PTPRT: variants seen among roughly 807,000 people sequenced by gnomAD.
The protein encoded by PTPRT is protein tyrosine phosphatase receptor type T, also known as receptor-type tyrosine-protein phosphatase T.
PTPRT carries 56 observed loss-of-function variants against 176.8 expected under a neutral mutation model. The observed-to-expected ratio is 0.32, with a 90% CI of 0.26 to 0.40. The LOEUF (loss-of-function observed/expected upper bound fraction) is 0.40, where lower values mean the gene tolerates loss of function less well. Ranked by LOEUF, PTPRT falls within the 10% of genes least tolerant of loss-of-function variation. The pLI, the probability that PTPRT is intolerant of heterozygous loss-of-function variation, is 1.00. For synonymous variants in PTPRT, 783 were observed against 739.0 expected (o/e 1.06, Z -0.96); for missense variants, 1,540 against 1,908.2 (o/e 0.81, Z 3.60).
intron 6 of PTPRT, among the ~76,000 whole-genome samples, chr20:42,728,914 A>T (rs1320364830): frequency 1.3e-5 from 2 of 152,202 alleles, no homozygotes; most frequent in African/African-American, 4.8e-5. Context: ...ATGTTTAATG[A>T]ATGAATATGT....
chr20:42,503,977 G>A (rs577319880), intron 7 of PTPRT, among the ~76,000 whole-genome samples: 1 of 151,994 alleles, frequency 6.6e-6, no homozygotes, highest in African/African-American at 2.4e-5. Flanking sequence ...CTAAACAATA[G>A]CTCCCTTGCT....
intron 5 of PTPRT, among the ~76,000 whole-genome samples, chr20:42,758,480 G>T (rs1335248882): frequency 6.6e-6 from 1 of 152,192 alleles, no homozygotes; most frequent in African/African-American, 2.4e-5. Context: ...AGCTAAGAGA[G>T]ACTTGCTCCA....
intron 6 of PTPRT, among the ~76,000 whole-genome samples, chr20:42,724,082 A>G (rs1369164097): frequency 6.6e-6 from 1 of 152,254 alleles, no homozygotes; most frequent in Non-Finnish European, 1.5e-5. Context: ...TTGTTCATTC[A>G]GCAAATATTC....
chr20:42,937,978 CATA>C (rs946508721), intron 1 of PTPRT, among the ~76,000 whole-genome samples: 6 of 152,144 alleles, frequency 3.9e-5, no homozygotes, highest in African/African-American at 1.4e-4. Flanking sequence ...ATCTTCAAAA[CATA>C]ATAAAATCAT....
intron 7 of PTPRT, among the ~76,000 whole-genome samples, chr20:42,625,624 A>G (rs374104294): frequency 6.6e-6 from 1 of 152,056 alleles, no homozygotes; most frequent in Non-Finnish European, 1.5e-5. Context: ...CAGGGCACAG[A>G]GAAGTAAAGA....
intron 13 of PTPRT, among the ~76,000 whole-genome samples, chr20:42,255,615 G>C (rs1244361059): frequency 6.6e-6 from 1 of 152,164 alleles, no homozygotes; most frequent in Non-Finnish European, 1.5e-5. Context: ...CTTAATGGCA[G>C]CAATAACATA....
At chr20:42,973,447 C>G (rs536135067) in intron 1 of PTPRT, among the ~76,000 whole-genome samples, 88 of 151,352 alleles carry the variant, frequency 5.8e-4, no homozygotes, top group South Asian at 2.5e-3. Flanking sequence ...CTCTCTCTCT[C>G]TGTGTGTGTT....
intron 6 of PTPRT, among the ~76,000 whole-genome samples, chr20:42,693,149 C>T (rs1322079140): frequency 6.6e-6 from 1 of 152,156 alleles, no homozygotes; most frequent in Non-Finnish European, 1.5e-5. Flanking sequence ...CCTATATGTG[C>T]ATTTGTGTAT....
intron 1 of PTPRT, among the ~76,000 whole-genome samples, chr20:43,142,207 C>T (rs1188829874): frequency 6.6e-6 from 1 of 152,148 alleles, no homozygotes; most frequent in East Asian, 1.9e-4. Flanking sequence ...TGAATCATGC[C>T]CAACGTTCTA....
chr20:43,102,564 C>T (rs2012439175), intron 1 of PTPRT, among the ~76,000 whole-genome samples: 3 of 152,186 alleles, frequency 2.0e-5, no homozygotes. Flanking sequence ...AAGCCTAGCG[C>T]CTGCAGAAAG....
rs2015476785 is a variant in PTPRT at position 43,189,294 on chromosome 20, G to C, written c.88+352C>G. Among the ~76,000 whole-genome samples, 1 of 152,034 alleles carries C rather than the reference G, an allele frequency of 6.6e-6. No homozygotes were observed. The highest frequency in any genetic ancestry group is 1.5e-5 in the Non-Finnish European group (1 of 67,992). ...ACCCCGGGCGTCGGTGCCGCTCCTC[G>C]TCTCGCCGCCCCAAACACTCAAGTG... On this transcript the variant is annotated intron_variant, in intron 1 of 30. Coordinates refer to ENST00000373187, the MANE Select transcript of PTPRT (RefSeq NM_007050.6). The surrounding 1 kb of genome is among the most constrained non-coding windows in gnomAD (Gnocchi z 5.0).
intron 9 of PTPRT, among the ~76,000 whole-genome samples, chr20:42,428,071 T>C (rs1415500116): frequency 1.3e-5 from 2 of 152,238 alleles, no homozygotes; most frequent in African/African-American, 4.8e-5. Context: ...AAAGCCTGTT[T>C]GGTGGTCTCC....
At chr20:43,087,042 T>C (rs1252833912) in intron 1 of PTPRT, among the ~76,000 whole-genome samples, 1 of 152,240 alleles carries the variant, frequency 6.6e-6, no homozygotes, top group Non-Finnish European at 1.5e-5. Flanking sequence ...CTTAAATTCA[T>C]GCCCCTTTGC....
At chr20:42,194,284 G>C (rs1991112748) in intron 16 of PTPRT, among the ~76,000 whole-genome samples, 1 of 152,208 alleles carries the variant, frequency 6.6e-6, no homozygotes, top group African/African-American at 2.4e-5. Flanking sequence ...TTAAATCCCA[G>C]CTCCAAGGTG....
intron 1 of PTPRT, among the ~76,000 whole-genome samples, chr20:43,022,432 T>C (rs1471739182): frequency 1.3e-5 from 2 of 152,216 alleles, no homozygotes; most frequent in African/African-American, 2.4e-5. Context: ...GAGAGCTAGA[T>C]ACTGAGTAGA....
At chr20:42,105,694 T>C (rs1986374499) in intron 24 of PTPRT, among the ~76,000 whole-genome samples, 1 of 152,182 alleles carries the variant, frequency 6.6e-6, no homozygotes, top group South Asian at 2.1e-4. Flanking sequence ...GACCTAGGAA[T>C]AGATAAAGCA....
intron 17 of PTPRT, among the ~76,000 whole-genome samples, chr20:42,145,275 G>A (rs964701534): frequency 2.0e-5 from 3 of 152,198 alleles, no homozygotes; most frequent in Admixed American, 6.5e-5. Flanking sequence ...GCTGACGTGA[G>A]TGGATCAAGA....
At chr20:42,888,081 T>C (rs374867168) in intron 1 of PTPRT, among the ~76,000 whole-genome samples, 1 of 152,206 alleles carries the variant, frequency 6.6e-6, no homozygotes, top group Non-Finnish European at 1.5e-5. Flanking sequence ...GCAATAACTT[T>C]CTATTTTTTA....
At chr20:43,147,275 A>G (rs947201) in intron 1 of PTPRT, among the ~76,000 whole-genome samples, 131,206 of 152,126 alleles carry the variant, frequency 0.86, 57,720 homozygotes, top group South Asian at 0.96. Context: ...CTCACTTACT[A>G]GAAACCTCCC....
Sources: allele counts gnomAD v4.1 joint callset (sites outside exome capture counted in the v4.1 genomes callset), GRCh38; gene constraint gnomAD v4.1.1; non-coding constraint Gnocchi (gnomAD v3.1); transcripts MANE v1.5; gene names NCBI Gene and HGNC (gene_info 2026-07-23, HGNC 2026-07-21).